AGBL4: variants seen among roughly 807,000 people sequenced by gnomAD.
AGBL4 encodes the protein AGBL carboxypeptidase 4, also known as cytosolic carboxypeptidase 6.
Under a neutral mutation model 66.4 loss-of-function variants are expected in AGBL4, and 58 were observed. The ratio of observed to expected loss-of-function variants is 0.87; its 90% CI spans 0.71 to 1.09. The LOEUF (loss-of-function observed/expected upper bound fraction) is 1.09. Among genes scored for constraint, AGBL4 ranks in the 50% least tolerant of loss-of-function variants. AGBL4 has a pLI of 0.00. For missense variants in AGBL4, 579 were observed against 631.0 expected (o/e 0.92, Z 0.88); for synonymous variants, 234 against 222.9 (o/e 1.05, Z -0.44).
intron 4 of AGBL4, among the ~76,000 whole-genome samples, chr1:49,146,224 T>C (rs942418356): frequency 2.6e-5 from 4 of 152,140 alleles, no homozygotes; most frequent in African/African-American, 9.7e-5. Context: ...AATAATTTAA[T>C]TGTACATTTA....
intron 6 of AGBL4, among the ~76,000 whole-genome samples, chr1:48,676,248 G>T (rs1646363184): frequency 6.6e-6 from 1 of 152,250 alleles, no homozygotes; most frequent in South Asian, 2.1e-4. Flanking sequence ...TCCACCTTCT[G>T]GCAGAGCCAT....
intron 6 of AGBL4, among the ~76,000 whole-genome samples, chr1:48,849,570 T>A (rs1431258914): frequency 1.3e-5 from 2 of 152,242 alleles, no homozygotes; most frequent in African/African-American, 4.8e-5. Flanking sequence ...CTTCTTACCA[T>A]CTACTCCTCA....
intron 8 of AGBL4, among the ~76,000 whole-genome samples, chr1:48,646,225 C>T (rs1332056062): frequency 1.3e-5 from 2 of 152,046 alleles, no homozygotes; most frequent in Non-Finnish European, 1.5e-5. Context: ...TCTCGTGATG[C>T]TGTGATAGGG....
At chr1:49,293,411 A>G (rs1241612920) in intron 3 of AGBL4, among the ~76,000 whole-genome samples, 1 of 152,210 alleles carries the variant, frequency 6.6e-6, no homozygotes, top group African/African-American at 2.4e-5. Context: ...GCCACTGGTC[A>G]CAGAGGTTTC....
chr1:49,595,613 TC>T (rs1644837548), intron 3 of AGBL4, among the ~76,000 whole-genome samples: 1 of 152,026 alleles, frequency 6.6e-6, no homozygotes, highest in Non-Finnish European at 1.5e-5. Context: ...TCAGGATCCT[TC>T]TTTTTTTTTA....
chr1:49,770,402 T>C (rs1644020761), intron 2 of AGBL4, among the ~76,000 whole-genome samples: 2 of 152,194 alleles, frequency 1.3e-5, no homozygotes, highest in South Asian at 2.1e-4. Context: ...TGTTTTTTAA[T>C]TTGCTGTTGA....
At chr1:49,760,118 G>A (rs1051865924) in intron 2 of AGBL4, among the ~76,000 whole-genome samples, 1 of 152,140 alleles carries the variant, frequency 6.6e-6, no homozygotes, top group Non-Finnish European at 1.5e-5. Flanking sequence ...AAAATTGTTC[G>A]TATCCTTTGC....
intron 3 of AGBL4, among the ~76,000 whole-genome samples, chr1:49,641,733 G>A (rs1645785053): frequency 6.6e-6 from 1 of 151,938 alleles, no homozygotes; most frequent in African/African-American, 2.4e-5. Flanking sequence ...TAACTTTTCA[G>A]TGATATCAAC....
At chr1:49,945,162 C>T (rs1655099640) in intron 1 of AGBL4, among the ~76,000 whole-genome samples, 1 of 152,052 alleles carries the variant, frequency 6.6e-6, no homozygotes, top group Non-Finnish European at 1.5e-5. Context: ...TTGAGGAAAA[C>T]TTCCCCCAGC....
At chr1:49,646,136 T>C (rs1205184606) in intron 3 of AGBL4, among the ~76,000 whole-genome samples, 1 of 151,846 alleles carries the variant, frequency 6.6e-6, no homozygotes, top group Non-Finnish European at 1.5e-5. Context: ...TCTGATGTTA[T>C]TACTTCTATT....
chr1:49,376,313 C>T (rs940395464), intron 3 of AGBL4, among the ~76,000 whole-genome samples: 2 of 152,002 alleles, frequency 1.3e-5, no homozygotes, highest in South Asian at 2.1e-4. Context: ...GGAGGTTAAC[C>T]TCTACAGATG....
intron 2 of AGBL4, among the ~76,000 whole-genome samples, chr1:49,743,079 C>T (rs1006867379): frequency 6.6e-6 from 1 of 152,148 alleles, no homozygotes; most frequent in African/African-American, 2.4e-5. Flanking sequence ...AGAGCTTCTG[C>T]ACAGCAAAAG....
At chr1:49,765,327 C>A (rs1295986360) in intron 2 of AGBL4, among the ~76,000 whole-genome samples, 5 of 152,012 alleles carry the variant, frequency 3.3e-5, no homozygotes, top group African/African-American at 1.2e-4. Context: ...AACCTGCCAA[C>A]AGAAGTTCAC....
chr1:49,880,443 G>C (rs919973863), intron 1 of AGBL4, among the ~76,000 whole-genome samples: 1 of 152,116 alleles, frequency 6.6e-6, no homozygotes, highest in African/African-American at 2.4e-5. Context: ...GTGTGCCCCT[G>C]CTGGGGGGTG....
intron 5 of AGBL4, among the ~76,000 whole-genome samples, chr1:48,988,206 A>T (rs1008342715): frequency 6.6e-6 from 1 of 152,010 alleles, no homozygotes; most frequent in Non-Finnish European, 1.5e-5. Context: ...GAGAACAGGG[A>T]TTTTTCCTAC....
chr1:49,958,988 C>G (rs1352891012), intron 1 of AGBL4, among the ~76,000 whole-genome samples: 1 of 150,632 alleles, frequency 6.6e-6, no homozygotes, highest in African/African-American at 2.4e-5. Flanking sequence ...CAAATTCTAA[C>G]AGTCAAACAT....
At chr1:49,088,969 C>T (rs1453187296) in intron 4 of AGBL4, among the ~76,000 whole-genome samples, 1 of 151,858 alleles carries the variant, frequency 6.6e-6, no homozygotes, top group East Asian at 1.9e-4. Flanking sequence ...CATACAATTA[C>T]ATAAAAATTA....
intron 5 of AGBL4, among the ~76,000 whole-genome samples, chr1:49,020,400 T>TGATC (rs1663158046): frequency 6.6e-6 from 1 of 152,156 alleles, no homozygotes; most frequent in African/African-American, 2.4e-5. Flanking sequence ...CCTTGACAGG[T>TGATC]GATCATCTGT....
At chr1:49,763,616 T>G (rs1652504602) in intron 2 of AGBL4, among the ~76,000 whole-genome samples, 3 of 152,176 alleles carry the variant, frequency 2.0e-5, no homozygotes, top group Admixed American at 1.3e-4. Flanking sequence ...AGCTCCATAA[T>G]GTAAGGCAAC....
Sources: allele counts gnomAD v4.1 joint callset (sites outside exome capture counted in the v4.1 genomes callset), GRCh38; gene constraint gnomAD v4.1.1; transcripts MANE v1.5; gene names NCBI Gene and HGNC (gene_info 2026-07-23, HGNC 2026-07-21).